AKT1: variants seen among roughly 807,000 people sequenced by gnomAD.
The protein encoded by AKT1 is AKT serine/threonine kinase 1.
AKT1 carries 21 observed loss-of-function variants against 63.1 expected under a neutral mutation model. That is an observed-to-expected ratio of 0.33 (90% CI 0.24 to 0.48). AKT1 has a LOEUF of 0.48. Among genes scored for constraint, AKT1 ranks in the 20% least tolerant of loss-of-function variants. The pLI is 0.99. For missense variants in AKT1, 382 were observed against 666.0 expected, an observed-to-expected ratio of 0.57 and a Z score of 4.69; for synonymous variants, 257 against 253.1, an observed-to-expected ratio of 1.02 and a Z score of -0.15.
intron 3 of AKT1, among the ~76,000 whole-genome samples, chr14:104,781,413 A>G (rs1015609771): frequency 6.6e-6 from 1 of 152,132 alleles, no homozygotes; most frequent in African/African-American, 2.4e-5. Context: ...GTGAGCCCAG[A>G]CGCGTCCAGC....
chr14:104,794,872 G>A (rs1312541718), intron 1 of AKT1: 1 of 152,306 alleles, frequency 6.6e-6, no homozygotes, highest in African/African-American at 2.4e-5. Flanking sequence ...TAAGGGGCAA[G>A]CCCCAGCTGC....
intron 6 of AKT1, 148 bp from the exon 7 acceptor site, chr14:104,775,355 G>A (rs1257041218): frequency 1.4e-6 from 2 of 1,408,962 alleles, no homozygotes; most frequent in East Asian, 2.5e-5. Context: ...GGGCTCAGCG[G>A]GGAGTCCAGG....
rs763782135 is a variant in AKT1 at position 104,774,980 on chromosome 14, G to A, written c.591C>T (p.Thr197=). 28 of 1,612,820 alleles carry A rather than the reference G, an allele frequency of 1.7e-5. No homozygotes were observed. Among genetic ancestry groups the A allele is most frequent in the African/African-American group, 4.0e-5 (3 of 74,862 alleles). The change falls in exon 8 of 15, where the codon ACC becomes ACT. Residue 197 remains threonine (T), a synonymous_variant. Transcript: ENST00000649815. Reference sequence around the variant, plus strand: ...TGGAGTTCTGCAGGACGCGGTTCTCGGTGAGTGTGTGGGCCACCTCGTCCT... The same window carrying A: ...TGGAGTTCTGCAGGACGCGGTTCTCAGTGAGTGTGTGGGCCACCTCGTCCT... ...VAKDEVAHTL[T]ENRVLQNSRH...
At chr14:104,772,512 A>G (rs2140898843) in intron 12 of AKT1, 60 bp from the exon 13 acceptor site, 4 of 1,559,442 alleles carry the variant, frequency 2.6e-6, no homozygotes, top group South Asian at 1.1e-5. Flanking sequence ...CCCTGGGTTC[A>G]GGCCCCTTCC....
Position 104,770,279 on chromosome 14 carries a change from T to C in AKT1, c.*62A>G. On this transcript the variant is annotated 3_prime_UTR_variant, in exon 15 of 15. Coordinates refer to ENST00000649815, the MANE Select transcript of AKT1 (RefSeq NM_001382430.1). ...AGAAATAAAAACCATTAAATACAGA[T>C]CATGGCACGAGGCCGCCTCTCCATC... The C allele has an allele frequency of 1.3e-6, 2 of 1,511,972 alleles. No homozygotes were observed. Among genetic ancestry groups the C allele is most frequent in the Non-Finnish European group, 9.0e-7 (1 of 1,113,792 alleles). 93.7% of individuals were successfully genotyped at this position (1,511,972 alleles called of 1,614,324 possible).
At chr14:104,782,488 C>T (rs1273074051) in intron 3 of AKT1, among the ~76,000 whole-genome samples, 1 of 152,210 alleles carries the variant, frequency 6.6e-6, no homozygotes, top group African/African-American at 2.4e-5. Flanking sequence ...GTTCTGTGAG[C>T]TGCATCTGGG....
Position 104,770,777 on chromosome 14 carries a change from G to A in AKT1, c.1331C>T (p.Ala444Val). 3 of 1,614,144 alleles carry A rather than the reference G, an allele frequency of 1.9e-6. No individual in the cohort carries two copies. The highest frequency in any genetic ancestry group is 2.5e-6 in the Non-Finnish European group (3 of 1,180,022). The change falls in exon 14 of 15, where the codon GCC becomes GTC. Residue 444 changes from alanine (A) to valine (V), a missense_variant. Transcript: ENST00000649815. ...DTRYFDEEFT[A>V]QMITITPPDQ... ...AGGTGGTGTGATGGTGATCATCTGG[G>A]CCGTGAACTCCTCATCAAAATACCT...
chr14:104,770,969 T>A, intron 13 of AKT1, 122 bp from the exon 14 acceptor site: 1 of 839,378 alleles, frequency 1.2e-6, no homozygotes, highest in Non-Finnish European at 1.9e-6. Context: ...AGGACTGATG[T>A]CAGAGAGCAG....
chr14:104,780,101 G>A lies in AKT1; in HGVS notation c.162C>T (p.Asn54=). 1 of 1,613,620 alleles carries A rather than the reference G, an allele frequency of 6.2e-7. No homozygotes were observed. The highest frequency in any genetic ancestry group is 8.5e-7 in the Non-Finnish European group (1 of 1,179,926). The change falls in exon 4 of 15, where the codon AAC becomes AAT. Residue 54 remains asparagine (N), a synonymous_variant. Transcript: ENST00000649815. Reference sequence around the variant, plus strand: ...GGGGATACTTACGCGCCACAGAGAAGTTGTTGAGGGGAGCCTCACGTTGGT... The same window carrying A: ...GGGGATACTTACGCGCCACAGAGAAATTGTTGAGGGGAGCCTCACGTTGGT... ...DVDQREAPLN[N]FSVAQCQLMK...
chr14:104,771,816 C>A (rs564089357), intron 13 of AKT1: 1 of 238,560 alleles, frequency 4.2e-6, no homozygotes, highest in Admixed American at 5.3e-5. Flanking sequence ...TCCTAGGGTC[C>A]CTGAAAGATG....
chr14:104,788,471 G>A (rs1479288589), intron 3 of AKT1, among the ~76,000 whole-genome samples: 2 of 152,192 alleles, frequency 1.3e-5, no homozygotes, highest in African/African-American at 4.8e-5. Context: ...CTCTTCTCAA[G>A]GGTGTTTACT....
In AKT1 at chr14:104,772,878, C is replaced by CTCTGCTT; in HGVS notation, c.1165_1171dup (p.Arg391LysfsTer46). 1 of 1,607,984 alleles carries CTCTGCTT rather than the reference C, an allele frequency of 6.2e-7. No homozygotes were observed. Among genetic ancestry groups the CTCTGCTT allele is most frequent in the Non-Finnish European group, 8.5e-7 (1 of 1,179,032 alleles). ...TGTAGCTGGGATGGGCGGCCCTCAC[C>CTCTGCTT]TCTGCTTGGGGTCCTTCTTGAGCAG... On this transcript the variant is annotated frameshift_variant and splice_region_variant, in exon 12 of 15. Coordinates refer to ENST00000649815, the MANE Select transcript of AKT1 (RefSeq NM_001382430.1). LOFTEE classifies it high-confidence loss of function.
At chr14:104,788,579 G>A (rs1204844851) in intron 3 of AKT1, among the ~76,000 whole-genome samples, 1 of 152,220 alleles carries the variant, frequency 6.6e-6, no homozygotes, top group East Asian at 1.9e-4. Context: ...CTGGATGGCT[G>A]AGCAGCAGCT....
At chr14:104,779,712 G>A (rs112766153) in intron 4 of AKT1, among the ~76,000 whole-genome samples, 6 of 69,180 alleles carry the variant, frequency 8.7e-5, no homozygotes, top group Admixed American at 3.1e-4. Context: ...CAGAGACCCC[G>A]GCCCAGCCAG....
intron 3 of AKT1, among the ~76,000 whole-genome samples, chr14:104,790,457 CG>C (rs1007737251): frequency 9.9e-5 from 15 of 152,052 alleles, no homozygotes; most frequent in African/African-American, 3.6e-4. Flanking sequence ...ACCAGTGTTG[CG>C]GGTGGGGCTG....
chr14:104,777,555 T>G (rs1413450002), intron 4 of AKT1: 1 of 1,012,312 alleles, frequency 9.9e-7, no homozygotes, highest in Non-Finnish European at 1.2e-6. Context: ...CAAGCACACC[T>G]GGGGAACACA....
rs11555430 is a variant in AKT1, at chr14:104,770,292, C to T, written c.*49G>A. ...ATTAAATACAGATCATGGCACGAGGCCGCCTCTCCATCCCTCCAAGCTATC... is the reference window on the plus strand; with the variant it reads ...ATTAAATACAGATCATGGCACGAGGTCGCCTCTCCATCCCTCCAAGCTATC... On this transcript the variant is annotated 3_prime_UTR_variant, in exon 15 of 15. Transcript: ENST00000649815. 1.3e-6 allele frequency: 2 copies of T among 1,559,622 alleles called. No individual in the cohort carries two copies. Among genetic ancestry groups the T allele is most frequent in the Non-Finnish European group, 1.7e-6 (2 of 1,149,180 alleles).
chr14:104,771,582 G>C (rs10141765), intron 13 of AKT1: 359 of 233,128 alleles, frequency 1.5e-3, no homozygotes, highest in African/African-American at 7.6e-3. Context: ...GCAGGAACGG[G>C]GACCAGGACC....
At chr14:104,794,333 A>C (rs1231826660) in intron 1 of AKT1, 1 of 152,450 alleles carries the variant, frequency 6.6e-6, no homozygotes, top group African/African-American at 2.4e-5. Context: ...AGCCCCTCCA[A>C]GGCCTGCTGC....
Sources: gnomAD v4.1 joint callset for allele counts (sites outside exome capture counted in the v4.1 genomes callset) on GRCh38, gnomAD v4.1.1 for gene constraint, MANE v1.5 for transcripts, NCBI Gene and HGNC (gene_info 2026-07-23, HGNC 2026-07-21) for gene names.